TBL1X: variants seen among roughly 807,000 people sequenced by gnomAD.
TBL1X encodes F-box-like/WD repeat-containing protein TBL1X.
A neutral mutation model predicts 50.7 loss-of-function variants in TBL1X; 10 were observed. The observed-to-expected ratio is 0.20, with a 90% CI of 0.12 to 0.33. The LOEUF (loss-of-function observed/expected upper bound fraction) is 0.33, where lower values mean the gene tolerates loss of function less well. Among genes scored for constraint, TBL1X ranks in the 10% least tolerant of loss-of-function variants. TBL1X has a pLI of 1.00. For missense variants in TBL1X, 340 were observed against 504.4 expected, an observed-to-expected ratio of 0.67 and a Z score of 3.12; for synonymous variants, 190 against 214.7, an observed-to-expected ratio of 0.88 and a Z score of 1.01.
At chrX:9,497,408 CAA>C (rs35402306) in intron 1 of TBL1X, among the ~76,000 whole-genome samples, 2 of 30,408 alleles carry the variant, frequency 6.6e-5, no homozygotes, top group Non-Finnish European at 5.3e-5. Flanking sequence ...GACTCCATCT[CAA>C]AAAAAAAAAA....
At chrX:9,654,087 T>C in intron 4 of TBL1X, 128 bp from the exon 5 acceptor site, 1 of 518,588 alleles carries the variant, frequency 1.9e-6, no homozygotes, top group African/African-American at 2.4e-5. Context: ...TTATAAAATA[T>C]AACACAATCA....
chrX:9,703,489 C>T (rs745968946), intron 12 of TBL1X, among the ~76,000 whole-genome samples: 1 of 111,661 alleles, frequency 9.0e-6, no homozygotes, highest in East Asian at 2.8e-4. Context: ...GAGCACAGCG[C>T]CCTTCCTGGC....
intron 3 of TBL1X, among the ~76,000 whole-genome samples, chrX:9,648,164 C>T (rs1230263589): frequency 9.0e-6 from 1 of 111,328 alleles, no homozygotes; most frequent in Non-Finnish European, 1.9e-5. Context: ...GCTCTCAGGA[C>T]GTGAGCTACC....
upstream of TBL1X, among the ~76,000 whole-genome samples, chrX:9,463,892 G>GAAAAACAAAAAC (rs59169859): frequency 9.5e-6 from 1 of 105,664 alleles, no homozygotes; most frequent in Non-Finnish European, 1.9e-5. Context: ...AGACTCCTCA[G>GAAAAACAAAAAC]AAAAACAAAA....
At chrX:9,545,000 CTTT>C (rs34726098) in intron 2 of TBL1X, among the ~76,000 whole-genome samples, 3 of 71,759 alleles carry the variant, frequency 4.2e-5, no homozygotes, top group African/African-American at 1.1e-4. Context: ...TTTCCCCCCA[CTTT>C]TTTTTTTTTT....
chrX:9,639,508 T>C (rs1334979630), intron 2 of TBL1X, among the ~76,000 whole-genome samples: 1 of 112,198 alleles, frequency 8.9e-6, no homozygotes, highest in African/African-American at 3.2e-5. Flanking sequence ...GTTTACTGAT[T>C]AGTGTTTATA....
chrX:9,587,732 C>T (rs781596130), intron 2 of TBL1X, among the ~76,000 whole-genome samples: 3 of 111,392 alleles, frequency 2.7e-5, no homozygotes, highest in Non-Finnish European at 5.7e-5. Context: ...GCACCCGTCA[C>T]CACAGCCCAG....
At chrX:9,694,900 G>T (rs2083121817) in intron 11 of TBL1X, among the ~76,000 whole-genome samples, 1 of 104,286 alleles carries the variant, frequency 9.6e-6, no homozygotes, top group African/African-American at 3.5e-5. Context: ...TTGAACCTGG[G>T]GTGAGCCCAG....
At chrX:9,670,445 A>T (rs768343353) in intron 5 of TBL1X, among the ~76,000 whole-genome samples, 1 of 111,826 alleles carries the variant, frequency 8.9e-6, no homozygotes, top group South Asian at 3.8e-4. Flanking sequence ...TGATTTGAGT[A>T]CTAATAAAAC....
intron 5 of TBL1X, among the ~76,000 whole-genome samples, chrX:9,670,712 C>T (rs1357385215): frequency 1.8e-5 from 2 of 112,641 alleles, no homozygotes; most frequent in African/African-American, 3.2e-5. Context: ...ATGCAAGACA[C>T]GTTTCCATGG....
intron 2 of TBL1X, among the ~76,000 whole-genome samples, chrX:9,600,468 G>GT (rs1442325971): frequency 3.7e-5 from 3 of 80,505 alleles, no homozygotes; most frequent in Non-Finnish European, 2.4e-5. Context: ...AATTTGGTGG[G>GT]CGGGGGGGGG....
intron 3 of TBL1X, chrX:9,644,774 G>C (rs976748539): frequency 9.0e-6 from 1 of 111,179 alleles, no homozygotes; most frequent in Non-Finnish European, 1.9e-5. Flanking sequence ...TCCTGCTTCA[G>C]CCTCCTGAGT....
Position 9,625,866 on chromosome X carries a change from C to CG in TBL1X, c.-130-14400dup, listed in dbSNP as rs749104449. Among the ~76,000 whole-genome samples the CG allele has an allele frequency of 3.2e-3, 362 of 111,686 alleles. 2 individuals carry two copies. The highest frequency in any genetic ancestry group is 0.026 in the Admixed American group (275 of 10,604). Reference sequence around the variant, plus strand: ...AGGCAGGAGAATCGCTTGAACCCGGCGGGGGGGCGGAGGTTACAGTGAGCC... The same window carrying CG: ...AGGCAGGAGAATCGCTTGAACCCGGCGGGGGGGGCGGAGGTTACAGTGAGCC... On this transcript the variant is annotated intron_variant, in intron 2 of 17. Transcript: ENST00000645353.
intron 2 of TBL1X, among the ~76,000 whole-genome samples, chrX:9,612,899 A>ATT (rs1349921852): frequency 9.0e-6 from 1 of 111,241 alleles, no homozygotes; most frequent in East Asian, 2.8e-4. Flanking sequence ...AGATAATTGT[A>ATT]TTTTTCAAAA....
At chrX:9,584,038 T>C (rs1478367255) in intron 2 of TBL1X, among the ~76,000 whole-genome samples, 3 of 112,259 alleles carry the variant, frequency 2.7e-5, no homozygotes, top group Admixed American at 9.4e-5. Context: ...ATGAAAAGTG[T>C]AAGGTACCAT....
chrX:9,512,040 G>A (rs1415393714), intron 2 of TBL1X, among the ~76,000 whole-genome samples: 1 of 110,441 alleles, frequency 9.1e-6, no homozygotes, highest in Non-Finnish European at 1.9e-5. Flanking sequence ...TTATTTTTTT[G>A]TAGAGATGGG....
chrX:9,716,464 G>A lies in TBL1X; in HGVS notation c.*218G>A, dbSNP rs5934674. On this transcript the variant is annotated 3_prime_UTR_variant, in exon 18 of 18. Transcript: ENST00000645353. ...AACAGAAGCAAATCATATCAAACGG[G>A]GATAGAATGGTTTCCACTGAGGACA... The A allele has an allele frequency of 0.012, 4,269 of 365,256 alleles. 31 individuals are homozygous for A. The highest frequency in any genetic ancestry group is 0.016 in the Non-Finnish European group (3,318 of 211,039). 30.1% of individuals were successfully genotyped at this position (365,256 alleles called of 1,213,427 possible). A position where few individuals can be genotyped will look rare whatever the true frequency, so the allele number is the denominator to read the frequency against.
intron 2 of TBL1X, among the ~76,000 whole-genome samples, chrX:9,527,862 C>CCATGGTGCA (rs2146970439): frequency 9.0e-6 from 1 of 110,869 alleles, no homozygotes; most frequent in South Asian, 3.9e-4. Context: ...GGCTGGAGTG[C>CCATGGTGCA]ATCACGGCTC....
chrX:9,679,538 C>T (rs2083013749), intron 5 of TBL1X, among the ~76,000 whole-genome samples: 1 of 112,304 alleles, frequency 8.9e-6, no homozygotes, highest in Admixed American at 9.4e-5. Context: ...GATCTTTCAT[C>T]GAGGTACCAC....
Sources: allele counts gnomAD v4.1 joint callset (sites outside exome capture counted in the v4.1 genomes callset), GRCh38; gene constraint gnomAD v4.1.1; transcripts MANE v1.5; gene names NCBI Gene and HGNC (gene_info 2026-07-23, HGNC 2026-07-21).